SIL1: variants seen among roughly 807,000 people sequenced by gnomAD.
The protein encoded by SIL1 is nucleotide exchange factor SIL1.
SIL1 carries 40 observed loss-of-function variants against 49.1 expected under a neutral mutation model. The ratio of observed to expected loss-of-function variants is 0.81; its 90% CI spans 0.63 to 1.06. The LOEUF (loss-of-function observed/expected upper bound fraction) is 1.06, where lower values mean the gene tolerates loss of function less well. SIL1 is among the 50% of genes least tolerant of loss of function. The pLI is 0.00. For synonymous variants in SIL1, 253 were observed against 250.8 expected, an observed-to-expected ratio of 1.01 and a Z score of -0.08; for missense variants, 500 against 572.6, an observed-to-expected ratio of 0.87 and a Z score of 1.29.
intron 5 of SIL1, among the ~76,000 whole-genome samples, chr5:139,039,130 C>T (rs1768983880): frequency 6.6e-6 from 1 of 152,186 alleles, no homozygotes; most frequent in Non-Finnish European, 1.5e-5. Context: ...AAAAGTCAAG[C>T]TCTCTGCTCA....
chr5:138,962,922 C>T (rs1369050199), intron 7 of SIL1, among the ~76,000 whole-genome samples: 1 of 152,216 alleles, frequency 6.6e-6, no homozygotes, highest in African/African-American at 2.4e-5. Context: ...AGAGAATTAT[C>T]TGCAGCCTCT....
chr5:139,056,072 C>A (rs1769412590), intron 3 of SIL1, among the ~76,000 whole-genome samples: 2 of 151,876 alleles, frequency 1.3e-5, no homozygotes, highest in Admixed American at 1.3e-4. Context: ...GCCGAGATTG[C>A]AGCCTCTGCC....
intron 7 of SIL1, among the ~76,000 whole-genome samples, chr5:139,007,534 G>A (rs1768150007): frequency 1.1e-5 from 1 of 90,602 alleles, no homozygotes; most frequent in African/African-American, 5.9e-5. Context: ...TCCCTGTCTT[G>A]TGCCAGTTTT....
At chr5:139,082,803 T>A (rs1770114512) in intron 3 of SIL1, among the ~76,000 whole-genome samples, 1 of 152,214 alleles carries the variant, frequency 6.6e-6, no homozygotes, top group Non-Finnish European at 1.5e-5. Flanking sequence ...AAACTTCCAA[T>A]CACGTTCTTA....
intron 1 of SIL1, among the ~76,000 whole-genome samples, chr5:139,163,982 G>C (rs1581143612): frequency 6.6e-6 from 1 of 152,178 alleles, no homozygotes; most frequent in East Asian, 1.9e-4. Flanking sequence ...AGCTGGGTAT[G>C]GTGGCGTAAG....
intron 7 of SIL1, among the ~76,000 whole-genome samples, chr5:138,953,655 G>A (rs1199216556): frequency 6.6e-5 from 10 of 151,058 alleles, no homozygotes; most frequent in African/African-American, 2.5e-4. Context: ...AGGCGCTGGC[G>A]CAGGGGGGCC....
At chr5:139,123,603 T>G (rs1337275361) in intron 2 of SIL1, among the ~76,000 whole-genome samples, 3 of 152,146 alleles carry the variant, frequency 2.0e-5, no homozygotes, top group Non-Finnish European at 4.4e-5. Context: ...TCAGAAGCAT[T>G]AGACTGCAGG....
intron 1 of SIL1, among the ~76,000 whole-genome samples, chr5:139,167,358 T>C (rs1328539597): frequency 1.3e-5 from 2 of 152,164 alleles, no homozygotes; most frequent in African/African-American, 2.4e-5. Flanking sequence ...CAGTTCCAAG[T>C]GTGTGATTGC....
At chr5:139,080,912 A>G (rs565110448) in intron 3 of SIL1, among the ~76,000 whole-genome samples, 2 of 152,360 alleles carry the variant, frequency 1.3e-5, no homozygotes, top group South Asian at 2.1e-4. Context: ...CGCCAGTCCC[A>G]TACCCATAGA....
Position 139,070,611 on chromosome 5 carries a change from G to A in SIL1, c.245-19565C>T, listed in dbSNP as rs187944736. On this transcript the variant is annotated intron_variant, in intron 3 of 9. Transcript: ENST00000394817. The stretch of plus-strand genomic sequence containing the variant: ...GCAAGAAAACTATCAAAGACTATTA[G>A]AGTAACATGAAAAGAACTCATTTGA... 4.2e-3 allele frequency among the ~76,000 whole-genome samples: 638 copies of A among 152,200 alleles called. 7 individuals are homozygous for A. The highest frequency in any genetic ancestry group is 0.01 in the African/African-American group (424 of 41,528).
chr5:139,169,149 C>A (rs1268263240), intron 1 of SIL1, among the ~76,000 whole-genome samples: 1 of 152,064 alleles, frequency 6.6e-6, no homozygotes, highest in Non-Finnish European at 1.5e-5. Context: ...ATAGCAAGAT[C>A]CTGCCTCTAA....
chr5:139,075,342 TGCA>T (rs933357775), intron 3 of SIL1, among the ~76,000 whole-genome samples: 2 of 152,178 alleles, frequency 1.3e-5, no homozygotes, highest in Non-Finnish European at 2.9e-5. Flanking sequence ...ATTTTCCCTC[TGCA>T]GCAGGAGATA....
intron 1 of SIL1, among the ~76,000 whole-genome samples, chr5:139,164,441 A>C (rs2151812082): frequency 6.6e-6 from 1 of 152,260 alleles, no homozygotes; most frequent in East Asian, 1.9e-4. Flanking sequence ...GACTCCAAAT[A>C]CCTTCTCCAA....
intron 3 of SIL1, among the ~76,000 whole-genome samples, chr5:139,063,751 G>A (rs1769644011): frequency 6.6e-6 from 1 of 152,184 alleles, no homozygotes; most frequent in Non-Finnish European, 1.5e-5. Flanking sequence ...GGATTCCAGA[G>A]TGCCTGCATT....
chr5:139,125,572 G>A (rs1309919991), intron 2 of SIL1, among the ~76,000 whole-genome samples: 1 of 152,146 alleles, frequency 6.6e-6, no homozygotes, highest in Non-Finnish European at 1.5e-5. Flanking sequence ...AACAACAGCT[G>A]ACATTCATTA....
chr5:139,144,464 GA>G (rs1444802814), intron 1 of SIL1, among the ~76,000 whole-genome samples: 2 of 152,198 alleles, frequency 1.3e-5, no homozygotes, highest in Admixed American at 1.3e-4. Flanking sequence ...TAAACATATA[GA>G]CCAATGGAAT....
intron 3 of SIL1, among the ~76,000 whole-genome samples, chr5:139,093,157 C>A (rs1770381029): frequency 6.6e-6 from 1 of 152,124 alleles, no homozygotes. Context: ...CAAGTTCAGC[C>A]CCATTCTGCT....
rs1205787396 is a variant in SIL1, at chr5:138,947,280, C to A, written c.1223G>T (p.Cys408Phe). The change falls in exon 10 of 10, where the codon TGC (cysteine) becomes TTC (phenylalanine). Residue 408 changes from cysteine (C) to phenylalanine (F), a missense_variant. Coordinates refer to ENST00000394817, the MANE Select transcript of SIL1 (RefSeq NM_022464.5). This position sits in a 1 kb window ranked among gnomAD's most constrained non-coding sequence, Gnocchi z 4.1. ...GGGGTCCTGACGGTAGCGGTCCCGG[C>A]AGGTGGTCAGGAGGACGCCCAGTGT... Reference protein sequence around the residue: ...LQTLGVLLTTCRDRYRQDPQL... With the variant: ...LQTLGVLLTTFRDRYRQDPQL... 6.2e-7 allele frequency: 1 copy of A among 1,613,412 alleles called. No homozygotes were observed. The highest frequency in any genetic ancestry group is 8.5e-7 in the Non-Finnish European group (1 of 1,180,040).
At chr5:139,121,844 T>C (rs1337239253) in intron 2 of SIL1, among the ~76,000 whole-genome samples, 1 of 152,116 alleles carries the variant, frequency 6.6e-6, no homozygotes, top group Non-Finnish European at 1.5e-5. Context: ...GTGTAGAACA[T>C]AGAGGATTAA....
Sources: allele counts gnomAD v4.1 joint callset (sites outside exome capture counted in the v4.1 genomes callset), GRCh38; gene constraint gnomAD v4.1.1; non-coding constraint Gnocchi (gnomAD v3.1); transcripts MANE v1.5; gene names NCBI Gene and HGNC (gene_info 2026-07-23, HGNC 2026-07-21).